MTG2: variants seen among roughly 807,000 people sequenced by gnomAD.
MTG2 encodes mitochondrial ribosome-associated GTPase 2.
In MTG2, 23 loss-of-function variants were observed where a neutral mutation model predicts 28.6. That is an observed-to-expected ratio of 0.80 (90% CI 0.58 to 1.14). The LOEUF (loss-of-function observed/expected upper bound fraction) is 1.14. Ranked by LOEUF, MTG2 falls within the 50% of genes most tolerant of loss-of-function variation. MTG2 has a pLI of 0.00. For missense variants in MTG2, 539 were observed against 552.0 expected, an observed-to-expected ratio of 0.98 and a Z score of 0.24; for synonymous variants, 260 against 251.8, an observed-to-expected ratio of 1.03 and a Z score of -0.31.
Position 62,201,426 on chromosome 20 carries a change from C to T in MTG2, c.*349C>T, listed in dbSNP as rs889753532. ...GCACGCGTGGACTCTCGGATGAGCT[C>T]AGCAGAACCGCACAGCCAGAGCCCC... On this transcript the variant is annotated 3_prime_UTR_variant, in exon 7 of 7. Coordinates refer to ENST00000370823, the MANE Select transcript of MTG2 (RefSeq NM_015666.4). The T allele has an allele frequency of 4.9e-5, 13 of 263,750 alleles. No individual in the cohort carries two copies. Among genetic ancestry groups the T allele is most frequent in the Admixed American group, 3.5e-4 (7 of 19,930 alleles). The allele number at this position is 263,750 out of a possible 1,614,324, so 16.3% of individuals were successfully genotyped here.
At position 62,200,846 on chromosome 20, in the gene MTG2, G is replaced by T. The variant is rs760243817; in HGVS notation, c.990G>T (p.Met330Ile). Residue 330 changes from methionine (M) to isoleucine (I), a missense_variant, in exon 7 of 7, where the codon ATG becomes ATT. Coordinates refer to ENST00000370823, the MANE Select transcript of MTG2 (RefSeq NM_015666.4). ...ACGATTTAAAATATGAACTGGAGAT[G>T]TATGAAAAGGGCCTGTCTGCGAGGC... Reference protein sequence around the residue: ...QVDDLKYELEMYEKGLSARPH... With the variant: ...QVDDLKYELEIYEKGLSARPH... 1.2e-6 allele frequency: 2 copies of T among 1,614,000 alleles called. No individual in the cohort carries two copies. The highest frequency in any genetic ancestry group is 1.7e-5 in the Admixed American group (1 of 60,030).
In MTG2 at chr20:62,198,762, C is replaced by CAAA. The variant is rs1292672987; in HGVS notation, c.599_600insAAA (p.Asn199_Asn200insLys). Reference sequence around the variant, plus strand: ...GCAACCGCTTCTTCCTGGCCAACAACAACCGTGCCCCTGTGACCTGTACCC... The same window carrying CAAA: ...GCAACCGCTTCTTCCTGGCCAACAACAAAAACCGTGCCCCTGTGACCTGTACCC... On this transcript the variant is annotated inframe_insertion, in exon 5 of 7. Transcript: ENST00000370823. 1.9e-6 allele frequency: 3 copies of CAAA among 1,614,056 alleles called. No individual in the cohort carries two copies. The highest frequency in any genetic ancestry group is 2.5e-6 in the Non-Finnish European group (3 of 1,180,058).
chr20:62,196,001 A>C, intron 3 of MTG2, 52 bp downstream of exon 3: 6 of 1,598,636 alleles, frequency 3.8e-6, no homozygotes, highest in Non-Finnish European at 5.1e-6. Flanking sequence ...CCGAGACTGC[A>C]TGTGCATTTG....
At chr20:62,195,651 G>T in intron 2 of MTG2, 151 bp from the exon 3 acceptor site, 1 of 939,036 alleles carries the variant, frequency 1.1e-6, no homozygotes, top group South Asian at 1.7e-5. Flanking sequence ...TTTATCTTCG[G>T]AATTTAGAAG....
intron 2 of MTG2, among the ~76,000 whole-genome samples, chr20:62,195,568 C>G (rs2058043105): frequency 6.6e-6 from 1 of 152,026 alleles, no homozygotes; most frequent in Admixed American, 6.6e-5. Flanking sequence ...AGTGTAGGTC[C>G]ACACAGAATA....
At chr20:62,187,960 C>T (rs1254226356) in intron 1 of MTG2, among the ~76,000 whole-genome samples, 1 of 152,058 alleles carries the variant, frequency 6.6e-6, no homozygotes, top group Non-Finnish European at 1.5e-5. Flanking sequence ...CTAAACACTA[C>T]TCTAGCTGCA....
intron 6 of MTG2, chr20:62,200,362 AT>A: frequency 3.6e-6 from 1 of 275,446 alleles, no homozygotes; most frequent in East Asian, 6.9e-5. Flanking sequence ...ACAGGCAGCC[AT>A]TTTCCTCTTT....
chr20:62,183,859 A>G (rs1016306883), intron 1 of MTG2, among the ~76,000 whole-genome samples: 3 of 152,230 alleles, frequency 2.0e-5, no homozygotes, highest in Admixed American at 2.0e-4. Context: ...TGGGCAGAAA[A>G]TGGATTCCTT....
chr20:62,199,159 C>G lies in MTG2; in HGVS notation c.728C>G (p.Ala243Gly). 6 of 1,614,164 alleles carry G rather than the reference C, an allele frequency of 3.7e-6. No homozygotes were observed. Among genetic ancestry groups the G allele is most frequent in the Non-Finnish European group, 5.1e-6 (6 of 1,180,032 alleles). ...GCCGGGAAGTCCTCACTGCTCCGGG[C>G]CATTTCAAACGCCAGACCCGCCGTG... is the stretch of plus-strand genomic sequence containing the variant. ...PNAGKSSLLR[A>G]ISNARPAVAS... The change falls in exon 6 of 7, where the codon GCC (alanine) becomes GGC (glycine). Residue 243 changes from alanine (A) to glycine (G), a missense_variant. Ala to Gly is a moderately conservative substitution (Grantham distance 60). Coordinates refer to ENST00000370823, the MANE Select transcript of MTG2 (RefSeq NM_015666.4).
intron 2 of MTG2, 167 bp downstream of exon 2, chr20:62,193,791 T>A: frequency 1.4e-6 from 1 of 691,340 alleles, no homozygotes; most frequent in Non-Finnish European, 2.4e-6. Flanking sequence ...CAGGCCTGCG[T>A]GCTAAATCCC....
At position 62,193,404 on chromosome 20, in the gene MTG2, T is replaced by C. The variant is rs1384933367; in HGVS notation, c.-5-12T>C. 8.1e-6 allele frequency: 13 copies of C among 1,613,262 alleles called. No individual in the cohort carries two copies. The South Asian group carries it at 1.3e-4, about 16-fold the overall frequency. Reference sequence around the variant, plus strand: ...AACCAAGTATCTCATTTTGCCAATTTGACTTCTGTAGGGGCCATGGCACCT... The same window carrying C: ...AACCAAGTATCTCATTTTGCCAATTCGACTTCTGTAGGGGCCATGGCACCT... On this transcript the variant is annotated splice_polypyrimidine_tract_variant and intron_variant, in intron 1 of 6. Transcript: ENST00000370823.
chr20:62,191,065 T>C (rs558846274), intron 1 of MTG2, among the ~76,000 whole-genome samples: 14 of 152,260 alleles, frequency 9.2e-5, no homozygotes, highest in Middle Eastern at 3.4e-3. Flanking sequence ...GCCCGGTTTC[T>C]TATAGGCGGA....
intron 1 of MTG2, among the ~76,000 whole-genome samples, chr20:62,185,559 C>T (rs768701812): frequency 6.6e-6 from 1 of 152,082 alleles, no homozygotes; most frequent in Non-Finnish European, 1.5e-5. Context: ...ATTGCTTGAA[C>T]CCAGGAGGCG....
chr20:62,183,939 T>C (rs902972817), intron 1 of MTG2, among the ~76,000 whole-genome samples: 2 of 152,194 alleles, frequency 1.3e-5, no homozygotes, highest in Non-Finnish European at 2.9e-5. Flanking sequence ...ATTCCTGCCG[T>C]AAAATGCAGG....
chr20:62,194,358 A>C (rs1284399862), intron 2 of MTG2, among the ~76,000 whole-genome samples: 1 of 152,228 alleles, frequency 6.6e-6, no homozygotes, highest in Non-Finnish European at 1.5e-5. Context: ...TGTGTGCTCA[A>C]ATAGCTGAAG....
chr20:62,194,151 G>A (rs1344428187), intron 2 of MTG2: 3 of 151,480 alleles, frequency 2.0e-5, no homozygotes, highest in African/African-American at 4.9e-5. Context: ...TATACCTTCC[G>A]TTTTATGGTT....
intron 1 of MTG2, among the ~76,000 whole-genome samples, chr20:62,186,130 C>G (rs553254975): frequency 6.6e-6 from 1 of 152,064 alleles, no homozygotes; most frequent in African/African-American, 2.4e-5. Flanking sequence ...TTGATGAGCC[C>G]GAGTTGTTTT....
chr20:62,189,663 A>AC (rs200320015), intron 1 of MTG2, among the ~76,000 whole-genome samples: 12,772 of 130,568 alleles, frequency 0.098, 660 homozygotes, highest in Non-Finnish European at 0.12. Flanking sequence ...GTAAACATTA[A>AC]CTTTTTTTTT....
In MTG2 at chr20:62,193,460, G is replaced by T. The variant is rs764457364; in HGVS notation, c.40G>T (p.Val14Leu). The T allele has an allele frequency of 1.9e-6, 3 of 1,614,082 alleles. No homozygotes were observed. Among genetic ancestry groups the T allele is most frequent in the Non-Finnish European group, 2.5e-6 (3 of 1,180,046 alleles). ...GTGTTTCTCAGCAAGATTGAGGACC[G>T]TGTTTCAGGGCGTGGGGCATTGGGC... ...ARCFSARLRT[V>L]FQGVGHWALS... The change falls in exon 2 of 7, where the codon GTG (valine) becomes TTG (leucine). Residue 14 changes from valine (V) to leucine (L), a missense_variant. Transcript: ENST00000370823.
Sources: allele counts gnomAD v4.1 joint callset (sites outside exome capture counted in the v4.1 genomes callset), GRCh38; gene constraint gnomAD v4.1.1; transcripts MANE v1.5; gene names NCBI Gene and HGNC (gene_info 2026-07-23, HGNC 2026-07-21).